EBF4: variants seen among roughly 807,000 people sequenced by gnomAD.
The protein encoded by EBF4 is EBF transcription factor 4.
A neutral mutation model predicts 67.1 loss-of-function variants in EBF4; 34 were observed. The observed-to-expected ratio is 0.51, with a 90% confidence interval of 0.39 to 0.67. EBF4 has a LOEUF of 0.67. Ranked by LOEUF, EBF4 falls within the 30% of genes least tolerant of loss-of-function variation. The probability of loss-of-function intolerance (pLI) is 0.00; values close to 1 mark genes in which losing one functional copy is unlikely to be tolerated. For missense variants in EBF4, 837 were observed against 873.3 expected (o/e 0.96, Z 0.52); for synonymous variants, 387 against 377.7 (o/e 1.02, Z -0.29).
At chr20:2,749,321 A>C in intron 7 of EBF4, 80 bp from the exon 8 acceptor site, 1 of 1,078,106 alleles carries the variant, frequency 9.3e-7, no homozygotes, top group East Asian at 2.7e-5. Context: ...CACCAGCCTC[A>C]AGGTGCTGGT....
At chr20:2,752,158 G>A in exon 13 of EBF4, 1 of 1,447,576 alleles carries the variant, frequency 6.9e-7, no homozygotes, top group Non-Finnish European at 9.1e-7. Context: ...CGGGCCGCTC[G>A]CACCCCTGGC....
chr20:2,755,411 C>T lies in EBF4; in HGVS notation c.1541-216C>T. 2 of 566,924 alleles carry T rather than the reference C, an allele frequency of 3.5e-6. No individual in the cohort carries two copies. The highest frequency in any genetic ancestry group is 6.4e-5 in the Admixed American group (2 of 31,234). The allele number at this position is 566,924 out of a possible 1,614,324, so 35.1% of individuals were successfully genotyped here. A position where few individuals can be genotyped will look rare whatever the true frequency, so the allele number is the denominator to read the frequency against. ...TTGCTTTTGTCTTTACCTGGTCTGG[C>T]CCTGTCATCCCCAGCCCCGAGAAAA... On this transcript the variant is annotated intron_variant, in intron 14 of 16. Coordinates refer to ENST00000609451, the Ensembl canonical transcript of EBF4. The surrounding 1 kb of genome is among the most constrained non-coding windows in gnomAD (Gnocchi z 4.7).
intron 16 of EBF4, 49 bp downstream of exon 16, chr20:2,759,033 A>G: frequency 6.6e-7 from 1 of 1,509,044 alleles, no homozygotes. Context: ...TGGCCCTGAG[A>G]TGTGCTTGCT....
chr20:2,704,383 C>T lies in EBF4; in HGVS notation c.138-1194C>T, dbSNP rs114010323. The stretch of plus-strand genomic sequence containing the variant: ...AGCCATGAGAGATCTAAGGAACACA[C>T]TTTGGAAGGCCGTGGCTCAGAGAAG... On this transcript the variant is annotated intron_variant, in intron 1 of 16. Transcript: ENST00000609451. Among the ~76,000 whole-genome samples the T allele has an allele frequency of 3.4e-3, 517 of 152,312 alleles. 5 individuals carry two copies. Among genetic ancestry groups the T allele is most frequent in the African/African-American group, 0.012 (491 of 41,580 alleles).
chr20:2,751,111 G>C lies in EBF4; in HGVS notation c.1019-589G>C, dbSNP rs569971172. ...CACCCCTTGCACAACGCCAGGGTAA[G>C]CAGTGAACACAACACACGTGGAGAT... is the stretch of plus-strand genomic sequence containing the variant. On this transcript the variant is annotated intron_variant, in intron 10 of 16. Transcript: ENST00000609451. This position sits in a 1 kb window ranked among gnomAD's most constrained non-coding sequence, Gnocchi z 5.2. Among the ~76,000 whole-genome samples, 1 of 152,168 alleles carries C rather than the reference G, an allele frequency of 6.6e-6. No individual in the cohort carries two copies. Among genetic ancestry groups the C allele is most frequent in the East Asian group, 1.9e-4 (1 of 5,160 alleles).
intron 6 of EBF4, among the ~76,000 whole-genome samples, chr20:2,713,093 G>T (rs1208298342): frequency 6.6e-6 from 1 of 152,182 alleles, no homozygotes; most frequent in Non-Finnish European, 1.5e-5. Flanking sequence ...GATGTCTGGA[G>T]CACTGTGTAG....
chr20:2,734,446 C>A (rs899323558), intron 6 of EBF4, among the ~76,000 whole-genome samples: 1 of 152,200 alleles, frequency 6.6e-6, no homozygotes, highest in African/African-American at 2.4e-5. Flanking sequence ...TCTAAAAATT[C>A]TAACCTCTGG....
intron 14 of EBF4, 64 bp downstream of exon 14, chr20:2,752,609 C>A: frequency 8.5e-7 from 1 of 1,176,200 alleles, no homozygotes; most frequent in Non-Finnish European, 1.1e-6. Context: ...CTCAGCCCCG[C>A]CCCCGCCCAT....
Position 2,758,873 on chromosome 20 carries a change from C to T in EBF4, c.1739-36C>T, listed in dbSNP as rs534723456. 25 of 1,546,372 alleles carry T rather than the reference C, an allele frequency of 1.6e-5. No homozygotes were observed. In the African/African-American group the frequency reaches 2.5e-4, roughly 15 times the overall value. On this transcript the variant is annotated intron_variant, in intron 15 of 16. Coordinates refer to ENST00000609451, the Ensembl canonical transcript of EBF4. ...CAGGCAGGTGGCTTCCCAGGTGGCA[C>T]ATGGCTTATGGCTCCTTTTTCCTTG... is the stretch of plus-strand genomic sequence containing the variant.
Position 2,696,088 on chromosome 20 carries a change from C to T in EBF4, c.137+2306C>T, listed in dbSNP as rs1178074733. 6.6e-6 allele frequency among the ~76,000 whole-genome samples: 1 copy of T among 152,216 alleles called. No homozygotes were observed. Among genetic ancestry groups the T allele is most frequent in the Admixed American group, 6.5e-5 (1 of 15,282 alleles). ...CCCAGTGCCTAGCCCCAGCCATTCA[C>T]CACTCCCCTAAAACCATCTTCCCTG... On this transcript the variant is annotated intron_variant, in intron 1 of 16. Coordinates refer to ENST00000609451, the Ensembl canonical transcript of EBF4. The surrounding 1 kb of genome is among the most constrained non-coding windows in gnomAD (Gnocchi z 4.7).
chr20:2,703,228 G>A, intron 1 of EBF4, among the ~76,000 whole-genome samples: 1 of 142,248 alleles, frequency 7.0e-6, no homozygotes, highest in Non-Finnish European at 1.5e-5. Context: ...CTGCACTCCA[G>A]CCTGGACAAC....
chr20:2,693,924 C>A lies in EBF4; in HGVS notation c.137+142C>A. ...CGGCGAGCTCCCCGGCCCACCCCGTCCGGAGTGCCTGTGCTGCCTCCTGAG... is the reference window on the plus strand; with the variant it reads ...CGGCGAGCTCCCCGGCCCACCCCGTACGGAGTGCCTGTGCTGCCTCCTGAG... On this transcript the variant is annotated intron_variant, in intron 1 of 16. Transcript: ENST00000609451. The surrounding 1 kb of genome is among the most constrained non-coding windows in gnomAD (Gnocchi z 4.6). The A allele has an allele frequency of 3.5e-6, 4 of 1,131,674 alleles. No individual in the cohort carries two copies. Among genetic ancestry groups the A allele is most frequent in the Non-Finnish European group, 4.5e-6 (4 of 894,652 alleles). 70.1% of individuals were successfully genotyped at this position (1,131,674 alleles called of 1,614,324 possible). A position where few individuals can be genotyped will look rare whatever the true frequency, so the allele number is the denominator to read the frequency against.
chr20:2,740,785 C>G (rs2087955592), intron 6 of EBF4, among the ~76,000 whole-genome samples: 2 of 152,226 alleles, frequency 1.3e-5, no homozygotes, highest in Non-Finnish European at 1.5e-5. Flanking sequence ...TAGCGTCAGC[C>G]TATCCCATGC....
chr20:2,750,343 G>A (rs2088124017), intron 10 of EBF4, among the ~76,000 whole-genome samples: 1 of 152,120 alleles, frequency 6.6e-6, no homozygotes. Context: ...GATGCCAATG[G>A]GGTCGCTGCT....
chr20:2,697,512 T>A (rs557401878), intron 1 of EBF4, among the ~76,000 whole-genome samples: 127 of 149,232 alleles, frequency 8.5e-4, no homozygotes, highest in Non-Finnish European at 1.5e-3. Flanking sequence ...GCCACTGCAC[T>A]CCAGCCTGGG....
At chr20:2,752,903 G>T (rs575101278) in intron 14 of EBF4, among the ~76,000 whole-genome samples, 29 of 152,320 alleles carry the variant, frequency 1.9e-4, no homozygotes, top group Admixed American at 1.6e-3. Context: ...CCCATCTCGC[G>T]CCCGGACTTG....
At chr20:2,708,956 C>T (rs879334060) in intron 5 of EBF4, among the ~76,000 whole-genome samples, 1 of 152,060 alleles carries the variant, frequency 6.6e-6, no homozygotes, top group African/African-American at 2.4e-5. Context: ...GAAGCCGAGG[C>T]GAGCGGATCA....
intron 6 of EBF4, among the ~76,000 whole-genome samples, chr20:2,716,746 T>TA (rs2087616064): frequency 1.3e-5 from 2 of 152,240 alleles, no homozygotes; most frequent in African/African-American, 2.4e-5. Flanking sequence ...CCTTTCCCAC[T>TA]GAGTTGTAGT....
chr20:2,699,111 T>C (rs1189854829), intron 1 of EBF4, among the ~76,000 whole-genome samples: 2 of 152,114 alleles, frequency 1.3e-5, no homozygotes, highest in Non-Finnish European at 2.9e-5. Flanking sequence ...AAAAGGGCCC[T>C]GGAGTGTCCT....
Sources: allele counts gnomAD v4.1 joint callset (sites outside exome capture counted in the v4.1 genomes callset), GRCh38; gene constraint gnomAD v4.1.1; non-coding constraint Gnocchi (gnomAD v3.1); transcripts MANE v1.5; gene names NCBI Gene and HGNC (gene_info 2026-07-23, HGNC 2026-07-21).